MAP7D2: variants seen among roughly 807,000 people sequenced by gnomAD.
MAP7D2 encodes MAP7 domain-containing protein 2.
A neutral mutation model predicts 63.5 loss-of-function variants in MAP7D2; 33 were observed. That is an observed-to-expected ratio of 0.52 (90% confidence interval 0.39 to 0.70). MAP7D2 has a LOEUF of 0.70. MAP7D2 is among the 30% of genes least tolerant of loss of function. The probability of loss-of-function intolerance (pLI) is 0.00; values close to 1 mark genes in which losing one functional copy is unlikely to be tolerated. For synonymous variants in MAP7D2, 224 were observed against 223.7 expected (o/e 1.00, Z -0.01); for missense variants, 626 against 604.0 (o/e 1.04, Z -0.38).
chrX:20,039,142 G>A (rs1027875751), intron 8 of MAP7D2, among the ~76,000 whole-genome samples: 1 of 112,253 alleles, frequency 8.9e-6, no homozygotes, highest in African/African-American at 3.2e-5. Flanking sequence ...GCAGAAACGA[G>A]GACTGTAATT....
chrX:20,075,248 C>T (rs1382961491), intron 1 of MAP7D2, among the ~76,000 whole-genome samples: 1 of 111,848 alleles, frequency 8.9e-6, no homozygotes, highest in Non-Finnish European at 1.9e-5. Context: ...CTCCATCTCT[C>T]TCTCCACCAG....
At chrX:20,114,194 G>A (rs1049844257) in intron 1 of MAP7D2, among the ~76,000 whole-genome samples, 35 of 111,964 alleles carry the variant, frequency 3.1e-4, no homozygotes, top group Non-Finnish European at 2.4e-4. Flanking sequence ...CACCAGGCCC[G>A]GCTAATGTTC....
At chrX:20,011,396 T>C (rs1396260463) in intron 15 of MAP7D2, among the ~76,000 whole-genome samples, 2 of 112,232 alleles carry the variant, frequency 1.8e-5, no homozygotes, top group African/African-American at 6.5e-5. Context: ...AAATGGGACA[T>C]TCAGACAGAA....
intron 8 of MAP7D2, among the ~76,000 whole-genome samples, chrX:20,026,758 G>A (rs1200778761): frequency 8.9e-6 from 1 of 111,849 alleles, no homozygotes; most frequent in Non-Finnish European, 1.9e-5. Flanking sequence ...GCCTAGGCTG[G>A]GCTCCTGGTG....
chrX:20,036,131 C>A (rs1432376902), intron 8 of MAP7D2, among the ~76,000 whole-genome samples: 1 of 110,926 alleles, frequency 9.0e-6, no homozygotes, highest in Non-Finnish European at 1.9e-5. Context: ...TTGGGGCCTA[C>A]TTGAGGGTGG....
At chrX:20,063,093 T>C (rs780317084) in intron 3 of MAP7D2, among the ~76,000 whole-genome samples, 2 of 110,929 alleles carry the variant, frequency 1.8e-5, no homozygotes, top group East Asian at 5.6e-4. Context: ...TCAGAAAAGG[T>C]TATGACTAAA....
chrX:20,020,134 A>G (rs2073584768), intron 10 of MAP7D2, among the ~76,000 whole-genome samples: 2 of 111,700 alleles, frequency 1.8e-5, no homozygotes, highest in Non-Finnish European at 3.8e-5. Flanking sequence ...CTCCTCTATG[A>G]CATTACTGCT....
intron 6 of MAP7D2, among the ~76,000 whole-genome samples, chrX:20,050,515 C>T (rs2064917974): frequency 8.9e-6 from 1 of 111,842 alleles, no homozygotes; most frequent in Non-Finnish European, 1.9e-5. Flanking sequence ...TGGGACACCC[C>T]AGACTGGTCT....
At chrX:20,042,681 T>C (rs773503843) in intron 7 of MAP7D2, 52 bp from the exon 8 acceptor site, 1 of 1,177,539 alleles carries the variant, frequency 8.5e-7, no homozygotes, top group Non-Finnish European at 1.2e-6. Flanking sequence ...ACTTCCACAA[T>C]TTATAAGACT....
chrX:20,113,487 G>A (rs183515395), intron 1 of MAP7D2, among the ~76,000 whole-genome samples: 1,607 of 111,464 alleles, frequency 0.014, 30 homozygotes, highest in African/African-American at 0.049. Context: ...CTCGTGATCC[G>A]CCCGCCTCGG....
intron 9 of MAP7D2, 124 bp downstream of exon 9, chrX:20,025,557 C>G: frequency 2.3e-6 from 2 of 867,461 alleles, no homozygotes; most frequent in South Asian, 2.4e-5. Context: ...GAAAGCTGCA[C>G]GAGGGGATGC....
At chrX:20,049,644 T>C (rs1374917574) in intron 6 of MAP7D2, among the ~76,000 whole-genome samples, 1 of 111,957 alleles carries the variant, frequency 8.9e-6, no homozygotes, top group African/African-American at 3.2e-5. Context: ...TTTGTGGCTA[T>C]TGTGAATAAG....
At position 20,082,975 on chromosome X, in the gene MAP7D2, C is replaced by T. The variant is rs1467212311; in HGVS notation, c.131-18170G>A. 5.4e-5 allele frequency among the ~76,000 whole-genome samples: 6 copies of T among 112,052 alleles called. No individual in the cohort carries two copies. The South Asian group carries it at 1.5e-3, about 27-fold the overall frequency. On this transcript the variant is annotated intron_variant, in intron 1 of 16. Coordinates refer to ENST00000379643, the MANE Select transcript of MAP7D2 (RefSeq NM_001168465.2). ...ACAAAAGCAGAGTACAATGTGTAAC[C>T]GCATTCAACATTGTTCAGGGCAGTC...
rs984923751 is a variant in MAP7D2, at chrX:20,059,877, G to C, written c.373-3086C>G. ...TGTCTGGATGAACTTGGAGAATCACGACCAAGGTGACCCCGCTGAACTGGC... is the reference window on the plus strand; with the variant it reads ...TGTCTGGATGAACTTGGAGAATCACCACCAAGGTGACCCCGCTGAACTGGC... On this transcript the variant is annotated intron_variant, in intron 3 of 16. Coordinates refer to ENST00000379643, the MANE Select transcript of MAP7D2 (RefSeq NM_001168465.2). 2.7e-5 allele frequency among the ~76,000 whole-genome samples: 3 copies of C among 111,566 alleles called. No homozygotes were observed. In the South Asian group the frequency reaches 1.2e-3, roughly 43 times the overall value.
intron 1 of MAP7D2, among the ~76,000 whole-genome samples, chrX:20,079,489 T>C (rs1479424832): frequency 8.9e-6 from 1 of 111,805 alleles, no homozygotes; most frequent in Non-Finnish European, 1.9e-5. Context: ...TGGTTCTTTC[T>C]ACAGCTACAG....
At chrX:20,095,999 T>C (rs1158395322) in intron 1 of MAP7D2, among the ~76,000 whole-genome samples, 1 of 102,496 alleles carries the variant, frequency 9.8e-6, no homozygotes, top group African/African-American at 3.7e-5. Flanking sequence ...GGAGAATCAC[T>C]TGATACCGGG....
intron 1 of MAP7D2, among the ~76,000 whole-genome samples, chrX:20,103,349 G>T (rs1486193253): frequency 8.9e-6 from 1 of 111,995 alleles, no homozygotes; most frequent in Non-Finnish European, 1.9e-5. Flanking sequence ...GAGAGGATTG[G>T]CTGACTGTGG....
At chrX:20,036,897 C>T (rs1434232339) in intron 8 of MAP7D2, among the ~76,000 whole-genome samples, 3 of 78,980 alleles carry the variant, frequency 3.8e-5, no homozygotes, top group African/African-American at 1.6e-4. Context: ...GTGTGAGACT[C>T]CATCTCAAAA....
intron 8 of MAP7D2, among the ~76,000 whole-genome samples, chrX:20,039,867 T>A (rs752900949): frequency 2.1e-4 from 23 of 109,332 alleles, no homozygotes; most frequent in Non-Finnish European, 3.8e-4. Flanking sequence ...GGCATGGTAG[T>A]GCATGCCTGT....
Sources: gnomAD v4.1 joint callset for allele counts (sites outside exome capture counted in the v4.1 genomes callset) on GRCh38, gnomAD v4.1.1 for gene constraint, MANE v1.5 for transcripts, NCBI Gene and HGNC (gene_info 2026-07-23, HGNC 2026-07-21) for gene names.